GON4L: variants seen among roughly 807,000 people sequenced by gnomAD.
GON4L encodes GON-4-like protein.
Under a neutral mutation model 211.8 loss-of-function variants are expected in GON4L, and 87 were observed. The observed-to-expected ratio is 0.41, with a 90% CI of 0.35 to 0.49. GON4L has a LOEUF of 0.49. GON4L is among the 20% of genes least tolerant of loss of function. The probability of loss-of-function intolerance (pLI) is 0.15; values close to 1 mark genes in which losing one functional copy is unlikely to be tolerated. For missense variants in GON4L, 2,155 were observed against 2,659.5 expected (o/e 0.81, Z 4.17); for synonymous variants, 875 against 962.6 (o/e 0.91, Z 1.68).
At chr1:155,780,865 T>C (rs1347642504) in intron 14 of GON4L, among the ~76,000 whole-genome samples, 1 of 152,144 alleles carries the variant, frequency 6.6e-6, no homozygotes, top group African/African-American at 2.4e-5. Context: ...ATTACAGCAA[T>C]AGATAAATAA....
chr1:155,747,892 G>A (rs530046530), downstream of GON4L: 56 of 1,569,176 alleles, frequency 3.6e-5, no homozygotes, highest in African/African-American at 4.5e-4. Flanking sequence ...CCCTACCATC[G>A]TGGGGTGAGT....
chr1:155,811,391 CAAAAAAAAAAA>C (rs777417019), intron 10 of GON4L, among the ~76,000 whole-genome samples: 2 of 33,168 alleles, frequency 6.0e-5, no homozygotes, highest in African/African-American at 1.8e-4. Flanking sequence ...GACTCCGTCT[CAAAAAAAAAAA>C]AAAAAAAAAA....
At position 155,753,244 on chromosome 1, in the gene GON4L, C is replaced by G. The variant is rs1408716317; in HGVS notation, c.5802G>C (p.Arg1934Ser). 1 of 1,613,780 alleles carries G rather than the reference C, an allele frequency of 6.2e-7. No individual in the cohort carries two copies. The highest frequency in any genetic ancestry group is 1.3e-5 in the African/African-American group (1 of 74,896). Residue 1934 changes from arginine to serine, a missense_variant, in exon 29 of 32, where the codon AGG becomes AGC. Coordinates refer to ENST00000368331, the MANE Select transcript of GON4L (RefSeq NM_001282860.2). ...ERESTEATQSRTVRTTRKGEM... is the reference protein window; with the variant it reads ...ERESTEATQSSTVRTTRKGEM... ...CTCCCTTTCTGGTGGTCCTGACAGT[C>G]CTGCTCTGGGTGGCCTCAGTGCTCT...
chr1:155,818,089 T>A (rs916452160), intron 6 of GON4L, among the ~76,000 whole-genome samples: 2 of 152,064 alleles, frequency 1.3e-5, no homozygotes, highest in Admixed American at 1.3e-4. Flanking sequence ...TGGATTTTTT[T>A]TCCCCAAATC....
chr1:155,810,701 C>T (rs1343064205), intron 10 of GON4L, among the ~76,000 whole-genome samples: 18 of 118,894 alleles, frequency 1.5e-4, no homozygotes, highest in Middle Eastern at 0.011. Flanking sequence ...AGTGAGACTC[C>T]GTCTCAAAAA....
chr1:155,768,264 AGTG>A (rs1391628503), intron 19 of GON4L, among the ~76,000 whole-genome samples: 1 of 144,490 alleles, frequency 6.9e-6, no homozygotes. Context: ...GATCAGAGAC[AGTG>A]CCACTGCACT....
intron 27 of GON4L, chr1:155,756,667 G>A (rs1474833487): frequency 2.1e-5 from 7 of 340,662 alleles, no homozygotes; most frequent in Admixed American, 8.2e-5. Context: ...GCTCACACTT[G>A]TAATCCCAGC....
intron 2 of GON4L, chr1:155,845,354 TG>T: frequency 4.8e-6 from 1 of 209,918 alleles, no homozygotes; most frequent in Non-Finnish European, 9.8e-6. Flanking sequence ...GAGCCAGGCC[TG>T]GTGGCCAGAG....
chr1:155,853,443 G>A lies in GON4L; in HGVS notation c.338C>T (p.Pro113Leu). Residue 113 changes from proline (P) to leucine (L), a missense_variant, in exon 2 of 32, where the codon CCC becomes CTC. Around this residue, in one of 6 missense-constraint regions of GON4L, gnomAD observed 313 missense variants for 293.2 expected, o/e 1.07. Transcript: ENST00000368331. ...TCCTTTACCAATGTGTATATTAAGGGGGTGAAAAGACTCCAAGGAAGGTAG... is the reference window on the plus strand; with the variant it reads ...TCCTTTACCAATGTGTATATTAAGGAGGTGAAAAGACTCCAAGGAAGGTAG... Reference protein sequence around the residue: ...ITLPSLESFHPLNIHIGKGKL... With the variant: ...ITLPSLESFHLLNIHIGKGKL... 6.2e-7 allele frequency: 1 copy of A among 1,614,084 alleles called. No individual in the cohort carries two copies. The highest frequency in any genetic ancestry group is 8.5e-7 in the Non-Finnish European group (1 of 1,179,980).
chr1:155,755,563 C>T (rs1460684510), intron 27 of GON4L, among the ~76,000 whole-genome samples: 1 of 152,024 alleles, frequency 6.6e-6, no homozygotes, highest in Non-Finnish European at 1.5e-5. Flanking sequence ...AATCAATAGC[C>T]CAAACTAGAT....
chr1:155,754,605 C>T, intron 27 of GON4L, 117 bp from the exon 28 acceptor site: 1 of 637,502 alleles, frequency 1.6e-6, no homozygotes. Context: ...TGTCAGCTCA[C>T]CGCAACCTCT....
At chr1:155,819,264 C>CT (rs1668530549) in intron 6 of GON4L, among the ~76,000 whole-genome samples, 1 of 151,630 alleles carries the variant, frequency 6.6e-6, no homozygotes, top group Non-Finnish European at 1.5e-5. Flanking sequence ...AATTGTGCCA[C>CT]TGCACTCCAG....
chr1:155,747,076 C>G, downstream of GON4L: 2 of 1,606,348 alleles, frequency 1.2e-6, no homozygotes, highest in Non-Finnish European at 1.7e-6. Flanking sequence ...ATGAAGCAAC[C>G]TTTGCCTCTA....
At chr1:155,817,249 C>T (rs966211098) in intron 6 of GON4L, among the ~76,000 whole-genome samples, 44 of 152,164 alleles carry the variant, frequency 2.9e-4, no homozygotes, top group African/African-American at 9.9e-4. Context: ...CCACCTTAGC[C>T]TCTCAAAGCA....
chr1:155,816,034 C>T (rs900494432), intron 7 of GON4L, 134 bp from the exon 8 acceptor site: 13 of 717,170 alleles, frequency 1.8e-5, no homozygotes, highest in East Asian at 8.0e-5. Flanking sequence ...GCAAATAACA[C>T]GAGGCAGAGG....
At chr1:155,858,597 A>C (rs1039451739), upstream of GON4L, among the ~76,000 whole-genome samples, 1 of 151,012 alleles carries the variant, frequency 6.6e-6, no homozygotes, top group Non-Finnish European at 1.5e-5. Context: ...TTCATGAAAA[A>C]AATTCAACAC....
chr1:155,778,898 T>C (rs1664107941), intron 14 of GON4L, among the ~76,000 whole-genome samples: 1 of 152,176 alleles, frequency 6.6e-6, no homozygotes, highest in Non-Finnish European at 1.5e-5. Context: ...TATGGCTGTA[T>C]AGTATTCCCT....
At chr1:155,749,197 A>G, downstream of GON4L, 5 of 1,277,352 alleles carry the variant, frequency 3.9e-6, no homozygotes, top group Non-Finnish European at 5.5e-6. Context: ...GGTTGCAGTG[A>G]GCCGAGATCA....
intron 2 of GON4L, among the ~76,000 whole-genome samples, chr1:155,834,790 C>A (rs1241172159): frequency 2.0e-5 from 3 of 152,184 alleles, no homozygotes; most frequent in Non-Finnish European, 4.4e-5. Flanking sequence ...GAAGTCCTCG[C>A]CCCTTTTCCA....
Sources: allele counts gnomAD v4.1 joint callset (sites outside exome capture counted in the v4.1 genomes callset), GRCh38; gene constraint gnomAD v4.1.1; regional missense constraint gnomAD v4.1.1; transcripts MANE v1.5; gene names NCBI Gene and HGNC (gene_info 2026-07-23, HGNC 2026-07-21).